The following ACYP2 variants were observed in gnomAD, a reference collection of about 807,000 sequenced individuals.
The protein encoded by ACYP2 is acylphosphatase-2.
In ACYP2, 12 loss-of-function variants were observed where a neutral mutation model predicts 11.2. The observed-to-expected ratio is 1.08, with a 90% confidence interval of 0.69 to 1.74. ACYP2 has a LOEUF of 1.74. Ranked by LOEUF, ACYP2 falls within the 40% of genes most tolerant of loss-of-function variation. The pLI, the probability that ACYP2 is intolerant of heterozygous loss-of-function variation, is 0.00. For synonymous variants in ACYP2, 43 were observed against 32.2 expected, an observed-to-expected ratio of 1.33 and a Z score of -1.13; for missense variants, 134 against 101.9, an observed-to-expected ratio of 1.31 and a Z score of -1.35.
At chr2:54,253,267 G>A (rs1687321829) in intron 6 of ACYP2, 1 of 152,210 alleles carries the variant, frequency 6.6e-6, no homozygotes, top group South Asian at 2.1e-4. Flanking sequence ...AAATTAAAAT[G>A]TTAAAGATAC....
chr2:54,282,705 G>A (rs1179072857), intron 6 of ACYP2, among the ~76,000 whole-genome samples: 1 of 151,984 alleles, frequency 6.6e-6, no homozygotes, highest in Admixed American at 6.5e-5. Flanking sequence ...CCAGACTAGT[G>A]ACAATTTTTT....
intron 4 of ACYP2, among the ~76,000 whole-genome samples, chr2:54,120,794 T>C (rs1274803430): frequency 6.6e-6 from 1 of 152,130 alleles, no homozygotes; most frequent in Non-Finnish European, 1.5e-5. Flanking sequence ...GATGCTGGTG[T>C]CTGGATGAGG....
intron 6 of ACYP2, among the ~76,000 whole-genome samples, chr2:54,190,732 G>C (rs1020715681): frequency 1.3e-5 from 2 of 151,850 alleles, no homozygotes; most frequent in African/African-American, 2.4e-5. Flanking sequence ...TCTATAAATG[G>C]ATATACCCCA....
chr2:54,239,765 G>A (rs73934412), intron 6 of ACYP2, among the ~76,000 whole-genome samples: 1,794 of 152,232 alleles, frequency 0.012, 37 homozygotes, highest in African/African-American at 0.04. Context: ...AAGGTGGTAA[G>A]GGGGACAAAC....
chr2:54,020,086 A>T (rs1673922150), intron 2 of ACYP2, among the ~76,000 whole-genome samples: 1 of 148,352 alleles, frequency 6.7e-6, no homozygotes, highest in Non-Finnish European at 1.5e-5. Flanking sequence ...ATAGGTGCCC[A>T]CCACCATGCC....
chr2:54,278,152 G>C (rs964182021), intron 6 of ACYP2, among the ~76,000 whole-genome samples: 8 of 151,958 alleles, frequency 5.3e-5, no homozygotes, highest in African/African-American at 1.9e-4. Flanking sequence ...TAATTTTTTT[G>C]TGTTTTTAGT....
At chr2:54,033,127 C>T (rs1481808196) in intron 2 of ACYP2, among the ~76,000 whole-genome samples, 3 of 151,538 alleles carry the variant, frequency 2.0e-5, no homozygotes, top group Non-Finnish European at 4.4e-5. Flanking sequence ...GTGAGGTCTG[C>T]GAAATTAATG....
intron 6 of ACYP2, among the ~76,000 whole-genome samples, chr2:54,188,947 A>C (rs370733859): frequency 1.6e-4 from 25 of 152,242 alleles, no homozygotes; most frequent in African/African-American, 5.8e-4. Context: ...CCACCTGCCT[A>C]CCCAAGGACT....
At chr2:54,033,543 T>C (rs1246017700) in intron 2 of ACYP2, among the ~76,000 whole-genome samples, 1 of 152,156 alleles carries the variant, frequency 6.6e-6, no homozygotes, top group East Asian at 1.9e-4. Flanking sequence ...AATTTACTTT[T>C]AGGAGAGTGG....
At chr2:54,043,300 A>C (rs943314561) in intron 2 of ACYP2, among the ~76,000 whole-genome samples, 5 of 152,188 alleles carry the variant, frequency 3.3e-5, no homozygotes, top group African/African-American at 7.2e-5. Context: ...ACTCCTACTC[A>C]GACCAGTGGT....
intron 6 of ACYP2, among the ~76,000 whole-genome samples, chr2:54,192,133 A>T (rs1684263993): frequency 6.6e-6 from 1 of 152,222 alleles, no homozygotes; most frequent in South Asian, 2.1e-4. Flanking sequence ...AAAATTTAGG[A>T]TACATACACA....
intron 2 of ACYP2, among the ~76,000 whole-genome samples, chr2:53,993,960 T>TG (rs1220030480): frequency 2.7e-5 from 4 of 150,856 alleles, no homozygotes; most frequent in African/African-American, 9.8e-5. Flanking sequence ...CCGAGGAGGG[T>TG]GGATCACCAG....
intron 2 of ACYP2, among the ~76,000 whole-genome samples, chr2:53,982,597 A>G (rs918916776): frequency 1.3e-5 from 2 of 152,208 alleles, no homozygotes; most frequent in African/African-American, 4.8e-5. Context: ...CCCACTGCCT[A>G]GAATTCAATC....
intron 4 of ACYP2, among the ~76,000 whole-genome samples, chr2:54,113,958 T>C (rs1477049133): frequency 3.3e-5 from 5 of 152,186 alleles, no homozygotes; most frequent in Non-Finnish European, 1.5e-5. Flanking sequence ...AGAGTTAAGT[T>C]ACGAGGTCTC....
chr2:54,196,657 T>C (rs902695101), intron 6 of ACYP2, among the ~76,000 whole-genome samples: 1 of 152,240 alleles, frequency 6.6e-6, no homozygotes, highest in Non-Finnish European at 1.5e-5. Context: ...GGGGCTGTCC[T>C]GTGCATTAGG....
chr2:54,174,385 A>G (rs986259278), intron 6 of ACYP2, among the ~76,000 whole-genome samples: 4 of 152,176 alleles, frequency 2.6e-5, no homozygotes, highest in African/African-American at 9.6e-5. Context: ...GTATCCTGAG[A>G]CTTTGCTGAA....
intron 3 of ACYP2, chr2:54,051,562 G>A (rs1344712937): frequency 1.1e-5 from 8 of 743,106 alleles, no homozygotes; most frequent in Non-Finnish European, 1.7e-5. Context: ...ATCTTGGCCT[G>A]TCCATTGGTG....
At chr2:53,984,852 T>C (rs1368726791) in intron 2 of ACYP2, among the ~76,000 whole-genome samples, 1 of 151,836 alleles carries the variant, frequency 6.6e-6, no homozygotes, top group Non-Finnish European at 1.5e-5. Context: ...TAGTCCATGA[T>C]AACAATTTTT....
At chr2:53,997,658 C>T (rs78688150) in intron 2 of ACYP2, among the ~76,000 whole-genome samples, 6,996 of 152,162 alleles carry the variant, frequency 0.046, 221 homozygotes, top group Non-Finnish European at 0.06. Context: ...ATCTCTTTTT[C>T]AGCTCTATGT....
Sources: allele counts gnomAD v4.1 joint callset (sites outside exome capture counted in the v4.1 genomes callset), GRCh38; gene constraint gnomAD v4.1.1; transcripts MANE v1.5; gene names NCBI Gene and HGNC (gene_info 2026-07-23, HGNC 2026-07-21).